CD47: variants seen among roughly 807,000 people sequenced by gnomAD.
CD47 encodes the protein CD47 molecule.
In CD47, 11 loss-of-function variants were observed where a neutral mutation model predicts 44.6. That is an observed-to-expected ratio of 0.25 (90% CI 0.16 to 0.41). The LOEUF (loss-of-function observed/expected upper bound fraction) is 0.41. Ranked by LOEUF, CD47 falls within the 10% of genes least tolerant of loss-of-function variation. CD47 has a pLI of 1.00. For synonymous variants in CD47, 140 were observed against 136.3 expected (o/e 1.03, Z -0.19); for missense variants, 306 against 386.7 (o/e 0.79, Z 1.75).
Position 108,051,974 on chromosome 3 carries a change from A to C in CD47, c.878-4T>G. 1 of 1,280,538 alleles carries C rather than the reference A, an allele frequency of 7.8e-7. No individual in the cohort carries two copies. Among genetic ancestry groups the C allele is most frequent in the Non-Finnish European group, 1.1e-6 (1 of 884,500 alleles). 79.3% of individuals were successfully genotyped at this position (1,280,538 alleles called of 1,614,324 possible). ...TGTATAGTCTTCTGATTGGAAGCTG[A>C]TATAAATAACAAATAAGAATATAAA... On this transcript the variant is annotated splice_polypyrimidine_tract_variant and splice_region_variant and intron_variant, in intron 7 of 10. Transcript: ENST00000361309.
chr3:108,049,971 C>T (rs2078797438), intron 9 of CD47, among the ~76,000 whole-genome samples: 1 of 152,134 alleles, frequency 6.6e-6, no homozygotes, highest in African/African-American at 2.4e-5. Context: ...TCCTTCTCTA[C>T]TAGGGGGTGC....
intron 10 of CD47, among the ~76,000 whole-genome samples, chr3:108,049,094 ATCTCTCTCTC>A (rs55708779): frequency 0.28 from 36,007 of 129,072 alleles, 5,616 homozygotes; most frequent in Middle Eastern, 0.34. Context: ...AGGACGAAAC[ATCTCTCTCTC>A]TCTCTCTCTC....
At chr3:108,089,701 G>A (rs1369342258) in intron 1 of CD47, among the ~76,000 whole-genome samples, 1 of 152,172 alleles carries the variant, frequency 6.6e-6, no homozygotes, top group African/African-American at 2.4e-5. Flanking sequence ...GAGGAAAGTG[G>A]TAAGCAGAGA....
chr3:108,050,351 C>T (rs1448924244), intron 9 of CD47, among the ~76,000 whole-genome samples: 1 of 152,114 alleles, frequency 6.6e-6, no homozygotes, highest in African/African-American at 2.4e-5. Context: ...CTCTTGACCT[C>T]GTGATCTGCC....
chr3:108,063,804 C>T (rs557807875), intron 3 of CD47, among the ~76,000 whole-genome samples: 2 of 152,180 alleles, frequency 1.3e-5, no homozygotes, highest in African/African-American at 2.4e-5. Context: ...TAAGGATTAC[C>T]CTCAGCTACA....
Position 108,091,009 on chromosome 3 carries a change from G to A in CD47, c.-101C>T, listed in dbSNP as rs2079630015. 5 of 807,670 alleles carry A rather than the reference G, an allele frequency of 6.2e-6. No individual in the cohort carries two copies. The highest frequency in any genetic ancestry group is 4.3e-5 in the Admixed American group (1 of 23,020). 50.0% of individuals were successfully genotyped at this position (807,670 alleles called of 1,614,324 possible). A position where few individuals can be genotyped will look rare whatever the true frequency, so the allele number is the denominator to read the frequency against. On this transcript the variant is annotated 5_prime_UTR_variant, in exon 1 of 11. Transcript: ENST00000361309. ...GACCGACCGCCGCCGCGCGTCACAGGCAGGACCCACTGCCCAGGCTGCACG... is the reference window on the plus strand; with the variant it reads ...GACCGACCGCCGCCGCGCGTCACAGACAGGACCCACTGCCCAGGCTGCACG...
intron 2 of CD47, among the ~76,000 whole-genome samples, chr3:108,075,112 T>C (rs1295106959): frequency 6.6e-6 from 1 of 152,120 alleles, no homozygotes; most frequent in Non-Finnish European, 1.5e-5. Context: ...CATCACAAGA[T>C]TAATAAAGAT....
chr3:108,059,364 A>G, intron 5 of CD47, 88 bp downstream of exon 5: 1 of 598,802 alleles, frequency 1.7e-6, no homozygotes, highest in Admixed American at 3.2e-5. Flanking sequence ...ATTGAGTTGT[A>G]AAAAATTTAT....
intron 3 of CD47, among the ~76,000 whole-genome samples, chr3:108,068,448 A>T (rs1427274652): frequency 6.6e-6 from 1 of 152,170 alleles, no homozygotes; most frequent in Admixed American, 6.5e-5. Flanking sequence ...TAAGTAAACA[A>T]ATCAGGTCAA....
rs536398539 is a variant in CD47, at chr3:108,082,139, T to C, written c.47-1795A>G. On this transcript the variant is annotated intron_variant, in intron 1 of 10. Transcript: ENST00000361309. ...AAAGTATCAGAAAATATGGTGAAGA[T>C]TTTGAAAGGGATACAAAGACTACTG... is the stretch of plus-strand genomic sequence containing the variant. Among the ~76,000 whole-genome samples, 28 of 152,052 alleles carry C rather than the reference T, an allele frequency of 1.8e-4. No homozygotes were observed. In the South Asian group the frequency reaches 3.9e-3, roughly 21 times the overall value.
intron 2 of CD47, 119 bp from the exon 3 acceptor site, chr3:108,071,301 AT>A (rs1173686022): frequency 3.6e-6 from 2 of 550,120 alleles, no homozygotes; most frequent in African/African-American, 1.9e-5. Flanking sequence ...CTGTGGCCTT[AT>A]TTTTACATGT....
At position 108,057,686 on chromosome 3, in the gene CD47, CAT is replaced by C. The variant is rs1302331361; in HGVS notation, c.785-119_785-118del. 11 of 554,590 alleles carry C rather than the reference CAT, an allele frequency of 2.0e-5. No homozygotes were observed. In the East Asian group the frequency reaches 3.5e-4, roughly 18 times the overall value. 34.4% of individuals were successfully genotyped at this position (554,590 alleles called of 1,614,324 possible). A position where few individuals can be genotyped will look rare whatever the true frequency, so the allele number is the denominator to read the frequency against. On this transcript the variant is annotated intron_variant, in intron 6 of 10. Transcript: ENST00000361309. ...TAACGATCAAAAAACAAAAATTATC[CAT>C]ATATGTTTATTAACTTAACCAGTAA...
Position 108,049,647 on chromosome 3 carries a change from G to A in CD47, c.939C>T (p.Phe313=), listed in dbSNP as rs781381031. Residue 313 remains phenylalanine, a synonymous_variant, in exon 10 of 11, where the codon TTC becomes TTT. Coordinates refer to ENST00000361309, the MANE Select transcript of CD47 (RefSeq NM_001777.4). ...RKAVEEPLNA[F]KESKGMMNDE ...CATTCATCATTCCTTTTGATTCTTT[G>A]AATGCTAGGATTAGTAACAAGCCAA... is the stretch of plus-strand genomic sequence containing the variant. The A allele has an allele frequency of 1.9e-6, 3 of 1,599,978 alleles. No homozygotes were observed. Among genetic ancestry groups the A allele is most frequent in the East Asian group, 2.2e-5 (1 of 44,784 alleles).
At chr3:108,077,186 C>T (rs1441879793) in intron 2 of CD47, among the ~76,000 whole-genome samples, 2 of 152,050 alleles carry the variant, frequency 1.3e-5, no homozygotes, top group East Asian at 1.9e-4. Flanking sequence ...TCATTTATGC[C>T]TGTATTTGCA....
chr3:108,088,211 T>A (rs562194763), intron 1 of CD47, among the ~76,000 whole-genome samples: 1 of 152,338 alleles, frequency 6.6e-6, no homozygotes, highest in East Asian at 1.9e-4. Flanking sequence ...GCTGAATTCA[T>A]ACTATGAAAT....
intron 4 of CD47, among the ~76,000 whole-genome samples, chr3:108,060,329 T>C (rs2078987818): frequency 6.6e-6 from 1 of 152,110 alleles, no homozygotes; most frequent in Non-Finnish European, 1.5e-5. Flanking sequence ...ATTATATGAG[T>C]GGGCTCTAAT....
intron 8 of CD47, among the ~76,000 whole-genome samples, chr3:108,051,442 A>C (rs918496485): frequency 6.6e-6 from 1 of 152,242 alleles, no homozygotes; most frequent in Non-Finnish European, 1.5e-5. Flanking sequence ...TAAGGGAAAA[A>C]ATGTTTATAA....
rs200337067 is a variant in CD47, at chr3:108,087,428, C to T, written c.46+3435G>A. On this transcript the variant is annotated intron_variant, in intron 1 of 10. Transcript: ENST00000361309. ...GGGCAGGGCAGTTTAAAGTCAATAA[C>T]ATCCAGAATTATGGCCTTAACAAGC... Among the ~76,000 whole-genome samples the T allele has an allele frequency of 1.2e-4, 19 of 152,226 alleles. No homozygotes were observed. The East Asian group carries it at 3.5e-3, about 28-fold the overall frequency.
intron 2 of CD47, among the ~76,000 whole-genome samples, chr3:108,076,468 A>G (rs188703881): frequency 2.4e-4 from 36 of 152,330 alleles, no homozygotes; most frequent in Admixed American, 2.1e-3. Context: ...TTAGTTATTT[A>G]CAAGGTGTTT....
Sources: gnomAD v4.1 joint callset for allele counts (sites outside exome capture counted in the v4.1 genomes callset) on GRCh38, gnomAD v4.1.1 for gene constraint, MANE v1.5 for transcripts, NCBI Gene and HGNC (gene_info 2026-07-23, HGNC 2026-07-21) for gene names.